GPC3: variants seen among roughly 807,000 people sequenced by gnomAD.
The protein encoded by GPC3 is glypican-3.
In GPC3, 3 loss-of-function variants were observed where a neutral mutation model predicts 34.4. The ratio of observed to expected loss-of-function variants is 0.09; its 90% CI spans 0.04 to 0.23. The LOEUF is 0.23. Among genes scored for constraint, GPC3 ranks in the 10% least tolerant of loss-of-function variants. The pLI is 1.00. For missense variants in GPC3, 351 were observed against 445.6 expected, an observed-to-expected ratio of 0.79 and a Z score of 1.91; for synonymous variants, 177 against 174.0, an observed-to-expected ratio of 1.02 and a Z score of -0.13.
At chrX:133,635,811 G>A (rs1277702192) in intron 6 of GPC3, among the ~76,000 whole-genome samples, 2 of 101,770 alleles carry the variant, frequency 2.0e-5, no homozygotes, top group Non-Finnish European at 3.9e-5. Flanking sequence ...ACATGGTTAT[G>A]GGAATTCAGT....
chrX:133,778,833 C>A (rs1314121078), intron 2 of GPC3, among the ~76,000 whole-genome samples: 1 of 111,558 alleles, frequency 9.0e-6, no homozygotes, highest in East Asian at 2.8e-4. Context: ...ATGTTGCTAC[C>A]CCAACCAGAG....
At chrX:133,627,369 C>A (rs1211874342) in intron 6 of GPC3, among the ~76,000 whole-genome samples, 1 of 111,406 alleles carries the variant, frequency 9.0e-6, no homozygotes, top group African/African-American at 3.3e-5. Flanking sequence ...GTTCAAAAGT[C>A]AAAAGTATTC....
At chrX:133,919,808 C>T (rs183316044) in intron 2 of GPC3, among the ~76,000 whole-genome samples, 1 of 105,372 alleles carries the variant, frequency 9.5e-6, no homozygotes, top group Admixed American at 1.0e-4. Flanking sequence ...TGCCACTGCA[C>T]TCCAGCCTAT....
chrX:133,679,949 C>G (rs1455067618), intron 5 of GPC3, among the ~76,000 whole-genome samples: 1 of 111,751 alleles, frequency 8.9e-6, no homozygotes, highest in Non-Finnish European at 1.9e-5. Flanking sequence ...AGCCACTGTG[C>G]CCGGCCCACA....
chrX:133,568,643 T>C (rs2069601035), intron 7 of GPC3, among the ~76,000 whole-genome samples: 1 of 110,702 alleles, frequency 9.0e-6, no homozygotes. Context: ...CTGGATTAGG[T>C]AGGAGTGTTT....
At chrX:133,754,934 T>A (rs1697307287) in intron 2 of GPC3, among the ~76,000 whole-genome samples, 1 of 112,251 alleles carries the variant, frequency 8.9e-6, no homozygotes, top group African/African-American at 3.2e-5. Flanking sequence ...GGAAGCCTTA[T>A]CTGCTCTACA....
chrX:133,844,021 A>G (rs1439697241), intron 2 of GPC3, among the ~76,000 whole-genome samples: 2 of 111,887 alleles, frequency 1.8e-5, no homozygotes, highest in Non-Finnish European at 3.8e-5. Flanking sequence ...AGTAATCAAC[A>G]TGTCTTCTGA....
At chrX:133,855,549 A>ATATATATATATATATATATATAT (rs1569445704) in intron 2 of GPC3, among the ~76,000 whole-genome samples, 57 of 105,824 alleles carry the variant, frequency 5.4e-4, no homozygotes, top group Non-Finnish European at 8.8e-4. Flanking sequence ...ATATATATAT[A>ATATATATATATATATATATATAT]GTAAAATGGT....
intron 6 of GPC3, among the ~76,000 whole-genome samples, chrX:133,635,689 A>G (rs867276869): frequency 9.0e-6 from 1 of 110,731 alleles, no homozygotes; most frequent in Non-Finnish European, 1.9e-5. Flanking sequence ...CTGGATTCCC[A>G]TCTATTTTGT....
At chrX:133,822,282 C>G (rs1272417857) in intron 2 of GPC3, among the ~76,000 whole-genome samples, 2 of 111,547 alleles carry the variant, frequency 1.8e-5, no homozygotes, top group Non-Finnish European at 1.9e-5. Context: ...TATCACAGTG[C>G]CTTGTATTCA....
At position 133,702,631 on chromosome X, in the gene GPC3, G is replaced by A. The variant is rs766324716; in HGVS notation, c.1033-2603C>T. 1.1e-4 allele frequency among the ~76,000 whole-genome samples: 12 copies of A among 111,626 alleles called. No homozygotes were observed. The South Asian group carries it at 4.6e-3, about 42-fold the overall frequency. ...CCCCAACCTACTGGAAAGGGGTGCA[G>A]CTGAGGCAAAAGTAGGAAGGTTAAG... On this transcript the variant is annotated intron_variant, in intron 3 of 7. Transcript: ENST00000370818.
chrX:133,648,261 GTT>G (rs11318287), intron 6 of GPC3, among the ~76,000 whole-genome samples: 2,979 of 82,719 alleles, frequency 0.036, 102 homozygotes, highest in African/African-American at 0.11. Flanking sequence ...ATACTATGAG[GTT>G]TTTTTTTTTT....
At chrX:133,580,185 A>T (rs139951528) in intron 7 of GPC3, among the ~76,000 whole-genome samples, 244 of 112,112 alleles carry the variant, frequency 2.2e-3, no homozygotes, top group African/African-American at 7.7e-3. Context: ...AGGGACAGCA[A>T]GGAGAATGCC....
intron 6 of GPC3, among the ~76,000 whole-genome samples, chrX:133,659,074 G>A (rs959763618): frequency 2.7e-5 from 3 of 112,249 alleles, no homozygotes; most frequent in African/African-American, 9.7e-5. Context: ...TGCCTGTCAT[G>A]CACATGCAAT....
intron 2 of GPC3, among the ~76,000 whole-genome samples, chrX:133,847,722 A>G (rs1285082176): frequency 8.9e-6 from 1 of 112,235 alleles, no homozygotes; most frequent in Non-Finnish European, 1.9e-5. Context: ...GCCCACTTAC[A>G]GAAAATAAGT....
At chrX:133,866,251 T>C (rs2075966264) in intron 2 of GPC3, among the ~76,000 whole-genome samples, 1 of 112,087 alleles carries the variant, frequency 8.9e-6, no homozygotes, top group South Asian at 3.8e-4. Context: ...GCATCCCTTT[T>C]AGTGCACAAC....
At chrX:133,619,011 T>TA (rs951539857) in intron 6 of GPC3, among the ~76,000 whole-genome samples, 8 of 108,988 alleles carry the variant, frequency 7.3e-5, no homozygotes, top group Admixed American at 9.8e-5. Context: ...ATACCCAATT[T>TA]AAAAAAAAAT....
intron 7 of GPC3, among the ~76,000 whole-genome samples, chrX:133,587,156 T>C (rs1344200146): frequency 8.9e-6 from 1 of 112,029 alleles, no homozygotes; most frequent in African/African-American, 3.2e-5. Context: ...TTAGTTTTCA[T>C]ATACGAATGA....
At chrX:133,977,474 T>C (rs2076521325) in intron 1 of GPC3, among the ~76,000 whole-genome samples, 1 of 111,922 alleles carries the variant, frequency 8.9e-6, no homozygotes, top group Non-Finnish European at 1.9e-5. Context: ...CTTTCTAATA[T>C]ATACCAAGTG....
Sources: allele counts gnomAD v4.1 joint callset (sites outside exome capture counted in the v4.1 genomes callset), GRCh38; gene constraint gnomAD v4.1.1; transcripts MANE v1.5; gene names NCBI Gene and HGNC (gene_info 2026-07-23, HGNC 2026-07-21).